The following CREB5 variants were observed in gnomAD, a reference collection of about 807,000 sequenced individuals.
The protein encoded by CREB5 is cyclic AMP-responsive element-binding protein 5.
A neutral mutation model predicts 57.1 loss-of-function variants in CREB5; 19 were observed. That is an observed-to-expected ratio of 0.33 (90% CI 0.23 to 0.49). CREB5 has a LOEUF of 0.49. Ranked by LOEUF, CREB5 falls within the 20% of genes least tolerant of loss-of-function variation. CREB5 has a pLI of 0.99. For missense variants in CREB5, 579 were observed against 671.6 expected, an observed-to-expected ratio of 0.86 and a Z score of 1.52; for synonymous variants, 238 against 238.3, an observed-to-expected ratio of 1.00 and a Z score of 0.01.
intron 5 of CREB5, among the ~76,000 whole-genome samples, chr7:28,698,614 G>A (rs1801692601): frequency 6.6e-6 from 1 of 152,124 alleles, no homozygotes; most frequent in South Asian, 2.1e-4. Flanking sequence ...GCTTCTTTGG[G>A]GAAAGAAAAT....
chr7:28,721,032 G>T (rs1803004471), intron 6 of CREB5, among the ~76,000 whole-genome samples: 2 of 152,158 alleles, frequency 1.3e-5, no homozygotes, highest in Admixed American at 6.5e-5. Context: ...TAGCAGCAAA[G>T]GTTCAGCTGC....
At chr7:28,649,216 C>T (rs149472968) in intron 5 of CREB5, among the ~76,000 whole-genome samples, 2 of 152,362 alleles carry the variant, frequency 1.3e-5, no homozygotes, top group African/African-American at 4.8e-5. Flanking sequence ...CGCCTTCAAC[C>T]TAGGACAGGA....
intron 1 of CREB5, among the ~76,000 whole-genome samples, chr7:28,438,929 T>C (rs749416498): frequency 6.6e-6 from 1 of 152,292 alleles, no homozygotes; most frequent in Middle Eastern, 3.4e-3. Context: ...CAAACAGAGA[T>C]ACTTCTAAAA....
At chr7:28,566,141 T>G (rs1479309159) in intron 4 of CREB5, among the ~76,000 whole-genome samples, 4 of 152,224 alleles carry the variant, frequency 2.6e-5, no homozygotes, top group Admixed American at 6.5e-5. Context: ...GCCAATCCAA[T>G]GCACTCTACA....
At chr7:28,524,530 A>G (rs905551121) in intron 4 of CREB5, among the ~76,000 whole-genome samples, 3 of 152,192 alleles carry the variant, frequency 2.0e-5, no homozygotes, top group African/African-American at 7.2e-5. Flanking sequence ...TTGCCAATTC[A>G]TGAAAGAGCT....
intron 7 of CREB5, among the ~76,000 whole-genome samples, chr7:28,748,528 T>G (rs1284268083): frequency 6.6e-6 from 1 of 152,150 alleles, no homozygotes; most frequent in Non-Finnish European, 1.5e-5. Flanking sequence ...CTCAGTGGTA[T>G]GAAAAAAGAA....
At chr7:28,623,053 T>G (rs1797864163) in intron 5 of CREB5, among the ~76,000 whole-genome samples, 1 of 152,092 alleles carries the variant, frequency 6.6e-6, no homozygotes, top group Non-Finnish European at 1.5e-5. Context: ...CGGCTAATTT[T>G]TGTAGTTTTA....
chr7:28,716,097 A>G (rs942584009), intron 5 of CREB5, among the ~76,000 whole-genome samples: 5 of 152,124 alleles, frequency 3.3e-5, no homozygotes, highest in Admixed American at 3.3e-4. Flanking sequence ...TTGCATCCCC[A>G]TTCGCGTAAC....
chr7:28,304,245 A>G (rs1785148349), intron 1 of CREB5, among the ~76,000 whole-genome samples: 1 of 152,204 alleles, frequency 6.6e-6, no homozygotes. Flanking sequence ...CCACCAAACT[A>G]TTATTTAAAT....
chr7:28,772,697 A>T lies in CREB5; in HGVS notation c.703-31502A>T, dbSNP rs556075739. On this transcript the variant is annotated intron_variant, in intron 7 of 10. Coordinates refer to ENST00000357727, the MANE Select transcript of CREB5 (RefSeq NM_182898.4). ...CATAGAGCAAAGCAGTAAAGCCTTT[A>T]TAGAACACTAGCACTCATTTTTTGA... Among the ~76,000 whole-genome samples, 8 of 152,334 alleles carry T rather than the reference A, an allele frequency of 5.3e-5. No homozygotes were observed. The East Asian group carries it at 1.4e-3, about 26-fold the overall frequency.
rs534652045 is a variant in CREB5, at chr7:28,695,389, G to A, written c.465-23364G>A. ...GCCAGGAATTCTGTCATATTGCCCAGGCTAATGCTTTGCAGTCCCTTTTTG... is the reference window on the plus strand; with the variant it reads ...GCCAGGAATTCTGTCATATTGCCCAAGCTAATGCTTTGCAGTCCCTTTTTG... On this transcript the variant is annotated intron_variant, in intron 5 of 10. Transcript: ENST00000357727. 2.0e-5 allele frequency among the ~76,000 whole-genome samples: 3 copies of A among 152,338 alleles called. No homozygotes were observed. In the South Asian group the frequency reaches 6.2e-4, roughly 32 times the overall value.
chr7:28,645,308 T>C (rs923278996), intron 5 of CREB5, among the ~76,000 whole-genome samples: 2 of 152,232 alleles, frequency 1.3e-5, no homozygotes, highest in African/African-American at 4.8e-5. Context: ...AGACTGGAAA[T>C]GTAATCTCTC....
At position 28,580,429 on chromosome 7, in the gene CREB5, CCACACACA is replaced by C. The variant is rs70977058; in HGVS notation, c.464+9919_464+9926del. On this transcript the variant is annotated intron_variant, in intron 5 of 10. Transcript: ENST00000357727. ...CTAGATTTGTCCCAATCCCCCCCCA[CCACACACA>C]CACACACACACACACACACACACAC... Among the ~76,000 whole-genome samples the C allele has an allele frequency of 1.3e-3, 176 of 130,966 alleles. 2 individuals carry two copies. Among genetic ancestry groups the C allele is most frequent in the African/African-American group, 3.1e-3 (107 of 34,924 alleles). 85.9% of individuals were successfully genotyped at this position (130,966 alleles called of 152,430 possible). A position where few individuals can be genotyped will look rare whatever the true frequency, so the allele number is the denominator to read the frequency against.
intron 1 of CREB5, among the ~76,000 whole-genome samples, chr7:28,351,828 G>A (rs1786192525): frequency 6.6e-6 from 1 of 152,138 alleles, no homozygotes; most frequent in Admixed American, 6.5e-5. Flanking sequence ...ATATGCTATA[G>A]AGGAATTTAT....
At chr7:28,424,672 A>G (rs1298195363) in intron 1 of CREB5, among the ~76,000 whole-genome samples, 1 of 152,262 alleles carries the variant, frequency 6.6e-6, no homozygotes, top group Non-Finnish European at 1.5e-5. Context: ...ACTTTTAACC[A>G]TGAGAAGAAA....
chr7:28,299,321 G>T (rs947465700), exon 1 of CREB5: 1 of 152,154 alleles, frequency 6.6e-6, no homozygotes, highest in African/African-American at 2.4e-5. Flanking sequence ...TCTTATTTTT[G>T]ATCTGATGAA....
chr7:28,681,363 A>G (rs969052896), intron 5 of CREB5, among the ~76,000 whole-genome samples: 2 of 152,108 alleles, frequency 1.3e-5, no homozygotes, highest in Non-Finnish European at 2.9e-5. Flanking sequence ...TTAATTTATT[A>G]CTATTATTAT....
At chr7:28,366,042 C>A (rs919862739) in intron 1 of CREB5, among the ~76,000 whole-genome samples, 1 of 152,090 alleles carries the variant, frequency 6.6e-6, no homozygotes, top group Non-Finnish European at 1.5e-5. Context: ...AAATTTGATA[C>A]CATAATTCGT....
In CREB5 at chr7:28,804,452, A is replaced by G; in HGVS notation, c.956A>G (p.His319Arg). ...QNHPHHHSHS[H>R]LHAHPAHHQT... ...CATCCACATCACCACTCCCATTCCCACCTTCATGCACACCCAGCACATCAC... is the reference window on the plus strand; with the variant it reads ...CATCCACATCACCACTCCCATTCCCGCCTTCATGCACACCCAGCACATCAC... The change falls in exon 8 of 11, where the codon CAC becomes CGC. Residue 319 changes from histidine to arginine, a missense_variant. Physicochemically the swap from His to Arg is conservative, Grantham distance 29 (BLOSUM62 0). Transcript: ENST00000357727. 1 of 1,613,702 alleles carries G rather than the reference A, an allele frequency of 6.2e-7. No homozygotes were observed. Among genetic ancestry groups the G allele is most frequent in the Non-Finnish European group, 8.5e-7 (1 of 1,179,906 alleles).
Sources: allele counts gnomAD v4.1 joint callset (sites outside exome capture counted in the v4.1 genomes callset), GRCh38; gene constraint gnomAD v4.1.1; transcripts MANE v1.5; gene names NCBI Gene and HGNC (gene_info 2026-07-23, HGNC 2026-07-21).